QRICH2: variants seen among roughly 807,000 people sequenced by gnomAD.
QRICH2 encodes the protein glutamine-rich protein 2.
Under a neutral mutation model 168.3 loss-of-function variants are expected in QRICH2, and 119 were observed. The ratio of observed to expected loss-of-function variants is 0.71; its 90% CI spans 0.61 to 0.82. The LOEUF is 0.82. QRICH2 is among the 40% of genes least tolerant of loss of function. The pLI is 0.00. For missense variants in QRICH2, 2,241 were observed against 2,491.6 expected, an observed-to-expected ratio of 0.90 and a Z score of 2.14; for synonymous variants, 894 against 951.2, an observed-to-expected ratio of 0.94 and a Z score of 1.11.
At chr17:76,297,616 C>T (rs972883194) in intron 3 of QRICH2, among the ~76,000 whole-genome samples, 4 of 152,152 alleles carry the variant, frequency 2.6e-5, no homozygotes, top group African/African-American at 9.7e-5. Flanking sequence ...AAGACATGAC[C>T]CATAATGAGG....
At chr17:76,283,521 G>A (rs1053845328) in intron 7 of QRICH2, among the ~76,000 whole-genome samples, 1 of 152,192 alleles carries the variant, frequency 6.6e-6, no homozygotes, top group African/African-American at 2.4e-5. Context: ...CTCCTGGCCC[G>A]GGGTCATGAC....
At chr17:76,279,202 T>C in intron 13 of QRICH2, 60 bp from the exon 14 acceptor site, 1 of 1,435,070 alleles carries the variant, frequency 7.0e-7, no homozygotes, top group Non-Finnish European at 9.6e-7. Context: ...GTCCCCCAAA[T>C]CCACCTGCCT....
At chr17:76,279,171 G>A in intron 13 of QRICH2, 29 bp from the exon 14 acceptor site, 1 of 1,561,084 alleles carries the variant, frequency 6.4e-7, no homozygotes, top group Non-Finnish European at 8.8e-7. Flanking sequence ...AGAAGGGGCG[G>A]GTCAGAGTGG....
intron 7 of QRICH2, among the ~76,000 whole-genome samples, chr17:76,284,504 A>G (rs1598483395): frequency 7.4e-6 from 1 of 135,456 alleles, no homozygotes; most frequent in Non-Finnish European, 1.5e-5. Context: ...AAGGATTTGG[A>G]TATGTATATT....
chr17:76,304,835 G>C (rs8068457), intron 2 of QRICH2, 47 bp downstream of exon 2: 66,515 of 1,383,084 alleles, frequency 0.048, 5,262 homozygotes, highest in African/African-American at 0.35. Flanking sequence ...ACTGAGAGAC[G>C]GCCAGCCCCC....
At chr17:76,288,091 A>C (rs951827471) in intron 5 of QRICH2, among the ~76,000 whole-genome samples, 194 bp from the exon 6 acceptor site, 1 of 152,156 alleles carries the variant, frequency 6.6e-6, no homozygotes, top group African/African-American at 2.4e-5. Flanking sequence ...TGGCATTAAG[A>C]GAATGACTGG....
chr17:76,291,679 T>C lies in QRICH2; in HGVS notation c.3048A>G (p.Arg1016=). 1 of 1,614,194 alleles carries C rather than the reference T, an allele frequency of 6.2e-7. No homozygotes were observed. The highest frequency in any genetic ancestry group is 8.5e-7 in the Non-Finnish European group (1 of 1,180,022). Reference sequence around the variant, plus strand: ...GTGGTGACACCTGGCCGTATTGTTCTCTGCCAGGAGGTACCATACCATGTT... The same window carrying C: ...GTGGTGACACCTGGCCGTATTGTTCCCTGCCAGGAGGTACCATACCATGTT... The part of the protein sequence containing the change: ...PYQHGMVPPG[R]EQYGQVSPLL... Residue 1016 remains arginine, a synonymous_variant, in exon 4 of 19, where the codon AGA becomes AGG. Coordinates refer to ENST00000680821, the MANE Select transcript of QRICH2 (RefSeq NM_001388453.1).
At chr17:76,279,971 C>T (rs141175898) in intron 12 of QRICH2, 62 bp downstream of exon 12, 2 of 1,517,356 alleles carry the variant, frequency 1.3e-6, no homozygotes, top group Admixed American at 2.1e-5. Flanking sequence ...AGACCCCCAG[C>T]CCCCTCTGCC....
intron 3 of QRICH2, among the ~76,000 whole-genome samples, chr17:76,297,938 G>C (rs1406445255): frequency 7.0e-6 from 1 of 142,236 alleles, no homozygotes; most frequent in Non-Finnish European, 1.5e-5. Flanking sequence ...GAGTGCAGTG[G>C]CACAATCTCA....
rs2071045155 is a variant in QRICH2, at chr17:76,293,233, T to G, written c.1494A>C (p.Ser498=). Residue 498 remains serine (S), a synonymous_variant, in exon 4 of 19, where the codon TCA becomes TCC. Transcript: ENST00000680821. ...LGMDQRGCVI[S]GMGQQGLVPP... is the part of the protein sequence containing the mutation. Reference sequence around the variant, plus strand: ...GTACTAGTCCTTGCTGACCCATGCCTGATATTACACATCCACGCTGATCCA... The same window carrying G: ...GTACTAGTCCTTGCTGACCCATGCCGGATATTACACATCCACGCTGATCCA... 6.2e-7 allele frequency: 1 copy of G among 1,613,902 alleles called. No homozygotes were observed. Among genetic ancestry groups the G allele is most frequent in the Non-Finnish European group, 8.5e-7 (1 of 1,180,032 alleles).
At chr17:76,290,170 T>G in intron 4 of QRICH2, 93 bp from the exon 5 acceptor site, 1 of 876,402 alleles carries the variant, frequency 1.1e-6, no homozygotes, top group Admixed American at 1.9e-5. Flanking sequence ...GAAGCTACCC[T>G]AGAGGACAGC....
At chr17:76,275,767 G>A (rs980433113) in intron 18 of QRICH2, 52 bp downstream of exon 18, 157 of 1,585,544 alleles carry the variant, frequency 9.9e-5, no homozygotes, top group Admixed American at 4.4e-4. Context: ...AAAGGGGGCC[G>A]GCAGGGCCAG....
rs765295838 is a variant in QRICH2, at chr17:76,291,791, G to A, written c.2936C>T (p.Pro979Leu). The change falls in exon 4 of 19, where the codon CCA becomes CTA. Residue 979 changes from proline to leucine, a missense_variant. Coordinates refer to ENST00000680821, the MANE Select transcript of QRICH2 (RefSeq NM_001388453.1). ...CTTTGTGCCTGGTGCTATCAAGCCT[G>A]GCTGATATGCACCAGGTTGTCTCAA... ...YGLRQPGAYQ[P>L]GLIAPGTKLR... 2.5e-6 allele frequency: 4 copies of A among 1,614,078 alleles called. No homozygotes were observed. The African/African-American group carries it at 4.0e-5, about 16-fold the overall frequency.
rs2070667160 is a variant in QRICH2, at chr17:76,275,866, A to G, written c.5435T>C (p.Leu1812Pro). 1 of 1,608,316 alleles carries G rather than the reference A, an allele frequency of 6.2e-7. No individual in the cohort carries two copies. Among genetic ancestry groups the G allele is most frequent in the African/African-American group, 1.3e-5 (1 of 74,932 alleles). ...RPPSLSSNGQLPSRPQSAQIS... is the reference protein window; with the variant it reads ...RPPSLSSNGQPPSRPQSAQIS... ...CTGGGCGCTCTGTGGCCGAGAGGGC[A>G]GCTGGCCATTGCTGCTGAGGGATGG... Residue 1812 changes from leucine (L) to proline (P), a missense_variant, in exon 18 of 19, where the codon CTG becomes CCG. Leu to Pro is a moderately conservative substitution (Grantham distance 98). Around this residue, in one of 3 missense-constraint regions of QRICH2, gnomAD observed 189 missense variants for 169.3 expected, o/e 1.12. Transcript: ENST00000680821.
At chr17:76,304,797 G>C (rs2070963370) in intron 2 of QRICH2, 85 bp downstream of exon 2, 2 of 1,011,864 alleles carry the variant, frequency 2.0e-6, no homozygotes, top group Non-Finnish European at 3.2e-6. Context: ...GCCTGCCCTG[G>C]ATGGACAAGC....
At chr17:76,302,026 G>C (rs974013927) in intron 3 of QRICH2, among the ~76,000 whole-genome samples, 7 of 152,022 alleles carry the variant, frequency 4.6e-5, no homozygotes, top group African/African-American at 1.7e-4. Context: ...AGCCTCCCAA[G>C]TGCTTGGGAT....
Position 76,279,142 on chromosome 17 carries a change from A to G in QRICH2, c.4815T>C (p.His1605=). Residue 1605 remains histidine, a splice_region_variant and synonymous_variant, in exon 14 of 19, where the codon CAT becomes CAC. Transcript: ENST00000680821. ...GACCCGCGGGGGTCACGGGGATGGC[A>G]CTGGGCAGGGACAGAGGGAGAAGGG... ...DRPLETPVTG[H]AIPVTPAGPG... is the part of the protein sequence containing the mutation. 1 of 1,610,780 alleles carries G rather than the reference A, an allele frequency of 6.2e-7. No homozygotes were observed. Among genetic ancestry groups the G allele is most frequent in the Non-Finnish European group, 8.5e-7 (1 of 1,178,246 alleles).
In QRICH2 at chr17:76,287,320, TGA is replaced by T; in HGVS notation, c.3897-16_3897-15del. The T allele has an allele frequency of 2.5e-6, 4 of 1,588,944 alleles. No homozygotes were observed. Among genetic ancestry groups the T allele is most frequent in the Non-Finnish European group, 3.5e-6 (4 of 1,157,760 alleles). ...GCCACGGTGACTCTGTGGTGCACGATGAGAGACTGCCAGACTCCACACTCAGG... is the reference window on the plus strand; with the variant it reads ...GCCACGGTGACTCTGTGGTGCACGATGAGACTGCCAGACTCCACACTCAGG... On this transcript the variant is annotated splice_polypyrimidine_tract_variant and intron_variant, in intron 6 of 18. Coordinates refer to ENST00000680821, the MANE Select transcript of QRICH2 (RefSeq NM_001388453.1).
rs1555675696 is a variant in QRICH2 at position 76,296,797 on chromosome 17, AAT to A, written c.706-2778_706-2777del. 3.9e-3 allele frequency among the ~76,000 whole-genome samples: 583 copies of A among 151,096 alleles called. 6 individuals carry two copies. The highest frequency in any genetic ancestry group is 0.014 in the African/African-American group (554 of 40,830). On this transcript the variant is annotated intron_variant, in intron 3 of 18. Transcript: ENST00000680821. Reference sequence around the variant, plus strand: ...TGTCTCAAAAAAAAAAAAAAAAAAAAATAACCAGAAAGAAGGGAGATGACAGA... The same window carrying A: ...TGTCTCAAAAAAAAAAAAAAAAAAAAAACCAGAAAGAAGGGAGATGACAGA...
Sources: allele counts gnomAD v4.1 joint callset (sites outside exome capture counted in the v4.1 genomes callset), GRCh38; gene constraint gnomAD v4.1.1; regional missense constraint gnomAD v4.1.1; transcripts MANE v1.5; gene names NCBI Gene and HGNC (gene_info 2026-07-23, HGNC 2026-07-21).